The following RUFY1 variants were observed in gnomAD, a reference collection of about 807,000 sequenced individuals.
RUFY1 encodes RUN and FYVE domain containing 1.
A neutral mutation model predicts 94.6 loss-of-function variants in RUFY1; 54 were observed. The observed-to-expected ratio is 0.57, with a 90% confidence interval of 0.46 to 0.72. The LOEUF (loss-of-function observed/expected upper bound fraction) is 0.72. Among genes scored for constraint, RUFY1 ranks in the 30% least tolerant of loss-of-function variants. RUFY1 has a pLI of 0.00. For synonymous variants in RUFY1, 396 were observed against 347.3 expected, an observed-to-expected ratio of 1.14 and a Z score of -1.56; for missense variants, 883 against 883.9, an observed-to-expected ratio of 1.00 and a Z score of 0.01.
chr5:179,609,573 C>T lies in RUFY1; in HGVS notation c.*54C>T. On this transcript the variant is annotated 3_prime_UTR_variant, in exon 18 of 18. Transcript: ENST00000319449. Reference sequence around the variant, plus strand: ...GGACAGTGCCAAACCCTGTGGGTCTCCAGGGGCTTGGGAAATGTGTTCTTT... The same window carrying T: ...GGACAGTGCCAAACCCTGTGGGTCTTCAGGGGCTTGGGAAATGTGTTCTTT... The T allele has an allele frequency of 6.8e-7, 1 of 1,475,508 alleles. No individual in the cohort carries two copies. The highest frequency in any genetic ancestry group is 9.0e-7 in the Non-Finnish European group (1 of 1,105,888). 91.4% of individuals were successfully genotyped at this position (1,475,508 alleles called of 1,614,324 possible).
At chr5:179,553,432 T>C (rs1049905237) in intron 1 of RUFY1, among the ~76,000 whole-genome samples, 2 of 151,942 alleles carry the variant, frequency 1.3e-5, no homozygotes, top group Non-Finnish European at 2.9e-5. Context: ...ATAAAGAGAG[T>C]ATTAAAGAGA....
At chr5:179,580,292 G>A (rs1764036013) in intron 6 of RUFY1, among the ~76,000 whole-genome samples, 2 of 147,116 alleles carry the variant, frequency 1.4e-5, no homozygotes, top group African/African-American at 2.5e-5. Context: ...GCCCAGGCTG[G>A]AGTGCAGTGG....
chr5:179,608,187 G>T, intron 17 of RUFY1: 8 of 524,162 alleles, frequency 1.5e-5, no homozygotes, highest in South Asian at 8.0e-5. Flanking sequence ...CTGGGTAGGG[G>T]AAGAGTTGGG....
At chr5:179,565,312 G>T (rs1762762180) in intron 3 of RUFY1, among the ~76,000 whole-genome samples, 1 of 151,822 alleles carries the variant, frequency 6.6e-6, no homozygotes, top group Admixed American at 6.6e-5. Context: ...CTGAGTAGCT[G>T]GGATTATAGG....
chr5:179,607,587 C>T lies in RUFY1; in HGVS notation c.1911C>T (p.His637=), dbSNP rs759762078. The change falls in exon 17 of 18, where the codon CAC becomes CAT. Residue 637 remains histidine, a synonymous_variant. Transcript: ENST00000319449. The stretch of plus-strand genomic sequence containing the variant: ...GAATGTCCTTTCCTCTTCAGGGCCA[C>T]GCCTGGCTGAAAGATGACGAAGCGA... The part of the protein sequence containing the change: ...IKEVNQALKG[H]AWLKDDEATH... 2.2e-5 allele frequency: 36 copies of T among 1,614,014 alleles called. 1 individual carries two copies. The highest frequency in any genetic ancestry group is 8.3e-5 in the Admixed American group (5 of 60,006).
In RUFY1 at chr5:179,591,742, G is replaced by A. The variant is rs1192122163; in HGVS notation, c.1245+1G>A. On this transcript the variant is annotated splice_donor_variant, in intron 10 of 17. Transcript: ENST00000319449. LOFTEE classifies it high-confidence loss of function. ...AAAAGAGGAGAAGAAAGTCCGGTTG[G>A]TGAGTGTGCAAGACCGAGTGTCTTT... is the stretch of plus-strand genomic sequence containing the variant. 2 of 1,570,804 alleles carry A rather than the reference G, an allele frequency of 1.3e-6. No individual in the cohort carries two copies. The highest frequency in any genetic ancestry group is 2.7e-5 in the African/African-American group (2 of 73,728).
At position 179,593,909 on chromosome 5, in the gene RUFY1, A is replaced by C. The variant is rs923002039; in HGVS notation, c.1413+264A>C. Among the ~76,000 whole-genome samples the C allele has an allele frequency of 5.3e-5, 8 of 152,314 alleles. No individual in the cohort carries two copies. The East Asian group carries it at 1.5e-3, about 29-fold the overall frequency. On this transcript the variant is annotated intron_variant, in intron 11 of 17. Transcript: ENST00000319449. ...GGGGAGACGTGGGTCTTTTTAACCC[A>C]AACCCAAACTTTGTCCATCCACCTT... is the stretch of plus-strand genomic sequence containing the variant.
chr5:179,598,971 G>C, intron 14 of RUFY1, 150 bp downstream of exon 14: 1 of 803,354 alleles, frequency 1.2e-6, no homozygotes. Context: ...CCTGTTTTAG[G>C]AGCATAAGAC....
chr5:179,573,412 G>A (rs766586784), intron 5 of RUFY1, among the ~76,000 whole-genome samples: 1 of 152,132 alleles, frequency 6.6e-6, no homozygotes, highest in African/African-American at 2.4e-5. Context: ...ATACATAATA[G>A]TATACATAAA....
chr5:179,555,937 A>G lies in RUFY1; in HGVS notation c.311-4088A>G, dbSNP rs570962187. On this transcript the variant is annotated intron_variant, in intron 1 of 17. Coordinates refer to ENST00000319449, the MANE Select transcript of RUFY1 (RefSeq NM_025158.5). ...TCAAGTGACCTGCTCACCTCAAGTGATCTGCCCACCTCGGCCTCCCAAAGT... is the reference window on the plus strand; with the variant it reads ...TCAAGTGACCTGCTCACCTCAAGTGGTCTGCCCACCTCGGCCTCCCAAAGT... The G allele has an allele frequency of 5.6e-5, 10 of 179,658 alleles. No individual in the cohort carries two copies. In the South Asian group the frequency reaches 6.1e-4, roughly 11 times the overall value. 11.1% of individuals were successfully genotyped at this position (179,658 alleles called of 1,614,324 possible). A position where few individuals can be genotyped will look rare whatever the true frequency, so the allele number is the denominator to read the frequency against.
rs990046930 is a variant in RUFY1, at chr5:179,609,638, G to A, written c.*119G>A. The stretch of plus-strand genomic sequence containing the variant: ...AGGAAAGAATCAAATTTCTTGCCCG[G>A]TCACTGGCACTCCAGAAGACAGCGT... On this transcript the variant is annotated 3_prime_UTR_variant, in exon 18 of 18. Transcript: ENST00000319449. 14 of 1,054,560 alleles carry A rather than the reference G, an allele frequency of 1.3e-5. No individual in the cohort carries two copies. Among genetic ancestry groups the A allele is most frequent in the Non-Finnish European group, 1.8e-5 (14 of 759,540 alleles). 65.3% of individuals were successfully genotyped at this position (1,054,560 alleles called of 1,614,324 possible). A position where few individuals can be genotyped will look rare whatever the true frequency, so the allele number is the denominator to read the frequency against.
intron 14 of RUFY1, among the ~76,000 whole-genome samples, chr5:179,600,664 C>T (rs1766263225): frequency 1.4e-5 from 2 of 140,668 alleles, no homozygotes; most frequent in South Asian, 2.3e-4. Flanking sequence ...GGCAAAGCCT[C>T]ATTTGTCCTA....
intron 14 of RUFY1, chr5:179,599,224 A>G (rs555266258): frequency 5.3e-5 from 9 of 169,600 alleles, no homozygotes; most frequent in Admixed American, 1.2e-4. Context: ...GAAGCCCTTC[A>G]TGGGCCCTGG....
At chr5:179,593,250 G>C (rs763702044) in intron 10 of RUFY1, among the ~76,000 whole-genome samples, 2 of 151,938 alleles carry the variant, frequency 1.3e-5, no homozygotes, top group Middle Eastern at 3.4e-3. Context: ...GCTAATTTTT[G>C]TATTTTTAGT....
intron 5 of RUFY1, among the ~76,000 whole-genome samples, chr5:179,570,510 A>G (rs538685624): frequency 9.2e-5 from 14 of 152,344 alleles, no homozygotes; most frequent in African/African-American, 3.4e-4. Flanking sequence ...TTCTTCCTGC[A>G]TAGGAGCTGG....
intron 8 of RUFY1, among the ~76,000 whole-genome samples, chr5:179,588,562 T>C (rs1764794629): frequency 6.6e-6 from 1 of 152,146 alleles, no homozygotes; most frequent in African/African-American, 2.4e-5. Flanking sequence ...TGTTTTTTAT[T>C]CCTCCCTGCA....
intron 1 of RUFY1, among the ~76,000 whole-genome samples, chr5:179,551,760 G>A (rs1423729893): frequency 6.7e-6 from 1 of 148,774 alleles, no homozygotes; most frequent in African/African-American, 2.5e-5. Flanking sequence ...TGATACACCT[G>A]CCTCGGCCTC....
intron 17 of RUFY1, among the ~76,000 whole-genome samples, chr5:179,607,965 T>C (rs769663491): frequency 9.8e-4 from 149 of 152,192 alleles, no homozygotes; most frequent in Non-Finnish European, 1.0e-3. Flanking sequence ...GGGAGTGTCA[T>C]TGAAAATTCT....
chr5:179,556,358 TA>T (rs1234652825), intron 1 of RUFY1, among the ~76,000 whole-genome samples: 1 of 152,030 alleles, frequency 6.6e-6, no homozygotes, highest in Non-Finnish European at 1.5e-5. Context: ...TAAAGTTTAA[TA>T]AATTTTTATT....
Sources: allele counts gnomAD v4.1 joint callset (sites outside exome capture counted in the v4.1 genomes callset), GRCh38; gene constraint gnomAD v4.1.1; transcripts MANE v1.5; gene names NCBI Gene and HGNC (gene_info 2026-07-23, HGNC 2026-07-21).